Variants in COX16 observed in about 807,000 individuals in gnomAD.
COX16 encodes the protein cytochrome c oxidase assembly protein COX16 homolog, mitochondrial.
Under a neutral mutation model 15.4 loss-of-function variants are expected in COX16, and 12 were observed. The observed-to-expected ratio is 0.78, with a 90% CI of 0.50 to 1.26. COX16 has a LOEUF of 1.26. Ranked by LOEUF, COX16 falls within the 50% of genes most tolerant of loss-of-function variation. The probability of loss-of-function intolerance (pLI) is 0.00; values close to 1 mark genes in which losing one functional copy is unlikely to be tolerated. For missense variants in COX16, 124 were observed against 127.6 expected (o/e 0.97, Z 0.14); for synonymous variants, 46 against 41.1 (o/e 1.12, Z -0.46).
At chr14:70,342,302 G>A (rs7144424) in intron 2 of COX16, among the ~76,000 whole-genome samples, 71,595 of 151,896 alleles carry the variant, frequency 0.47, 17,568 homozygotes, top group South Asian at 0.57. Flanking sequence ...AAAATTAGCC[G>A]GGTGGTAGTG....
At chr14:70,340,818 C>A (rs1886602905) in intron 2 of COX16, among the ~76,000 whole-genome samples, 1 of 152,194 alleles carries the variant, frequency 6.6e-6, no homozygotes, top group Admixed American at 6.5e-5. Context: ...CCTACTCATT[C>A]TTAAAGCCTA....
chr14:70,330,796 T>C (rs998922744), intron 2 of COX16, among the ~76,000 whole-genome samples: 1 of 152,292 alleles, frequency 6.6e-6, no homozygotes, highest in South Asian at 2.1e-4. Flanking sequence ...TTGTCAATAT[T>C]TGATGATTGC....
chr14:70,354,063 A>C (rs1322881284), intron 1 of COX16, among the ~76,000 whole-genome samples: 1 of 152,026 alleles, frequency 6.6e-6, no homozygotes, highest in Non-Finnish European at 1.5e-5. Flanking sequence ...TGTAATCCCA[A>C]CTACGCCGGA....
Position 70,343,611 on chromosome 14 carries a change from G to A in COX16, c.70-882C>T, listed in dbSNP as rs527529349. On this transcript the variant is annotated intron_variant, in intron 1 of 3. Transcript: ENST00000389912. ...CTGTATATCACATTGTATTCCCAGG[G>A]ACAATATGGCTATACAGGTCACAGG... 2.7e-4 allele frequency among the ~76,000 whole-genome samples: 41 copies of A among 152,248 alleles called. No individual in the cohort carries two copies. In the South Asian group the frequency reaches 3.9e-3, roughly 15 times the overall value.
chr14:70,341,264 C>A (rs1275119645), intron 2 of COX16, among the ~76,000 whole-genome samples: 1 of 152,122 alleles, frequency 6.6e-6, no homozygotes, highest in African/African-American at 2.4e-5. Flanking sequence ...TCTAATCCTT[C>A]ATAGAAAGTA....
chr14:70,339,698 C>T (rs1018227953), intron 2 of COX16, among the ~76,000 whole-genome samples: 1 of 152,160 alleles, frequency 6.6e-6, no homozygotes, highest in Non-Finnish European at 1.5e-5. Context: ...AACCTCTTAA[C>T]TCCTCTCAAC....
intron 2 of COX16, among the ~76,000 whole-genome samples, chr14:70,330,759 CAG>C (rs1035610137): frequency 1.3e-4 from 20 of 152,114 alleles, no homozygotes; most frequent in African/African-American, 4.6e-4. Context: ...AAATTAGGCA[CAG>C]AAGAGCAGTC....
intron 3 of COX16, 32 bp from the exon 4 acceptor site, chr14:70,326,481 A>G: frequency 1.3e-6 from 2 of 1,530,164 alleles, no homozygotes; most frequent in South Asian, 1.3e-5. Flanking sequence ...AAGTATAAAT[A>G]TTAGTATAAG....
intron 1 of COX16, among the ~76,000 whole-genome samples, chr14:70,355,564 C>A (rs1423279136): frequency 6.6e-6 from 1 of 152,138 alleles, no homozygotes; most frequent in African/African-American, 2.4e-5. Flanking sequence ...AATCTGGAAC[C>A]TAAGTTCCAG....
chr14:70,359,487 C>T lies in COX16; in HGVS notation c.69+32G>A, dbSNP rs370540684. 16 of 1,585,728 alleles carry T rather than the reference C, an allele frequency of 1.0e-5. No homozygotes were observed. The South Asian group carries it at 1.1e-4, about 11-fold the overall frequency. ...ATCCTGCCAAGGAGGAGGGTCCCAC[C>T]CCTTGCGGAAGATCCTCCTCACTCC... On this transcript the variant is annotated intron_variant, in intron 1 of 3. Coordinates refer to ENST00000389912, the MANE Select transcript of COX16 (RefSeq NM_016468.7).
In COX16 at chr14:70,342,680, C is replaced by T. The variant is rs139410596; in HGVS notation, c.119G>A (p.Arg40Gln). 1.4e-4 allele frequency: 226 copies of T among 1,612,948 alleles called. 1 individual carries two copies. Among genetic ancestry groups the T allele is most frequent in the Non-Finnish European group, 1.8e-4 (212 of 1,179,728 alleles). The change falls in exon 2 of 4, where the codon CGA becomes CAA. Residue 40 changes from arginine to glutamine, a missense_variant. Coordinates refer to ENST00000389912, the MANE Select transcript of COX16 (RefSeq NM_016468.7). ...TACTTTACTCTTCACAGCATCATAT[C>T]GGATTTGAGAAAACTCACGAAGACC... ...SFGLREFSQI[R>Q]YDAVKSKMDP...
In COX16 at chr14:70,338,013, G is replaced by A. The variant is rs182056146; in HGVS notation, c.141+4645C>T. 1.8e-3 allele frequency among the ~76,000 whole-genome samples: 269 copies of A among 152,210 alleles called. 1 individual carries two copies. The highest frequency in any genetic ancestry group is 3.4e-3 in the Middle Eastern group (1 of 294). ...GATTGGTATCCCATAAAGAAAACTC[G>A]GCAAAAGCAACAACTGACAAGATAA... is the stretch of plus-strand genomic sequence containing the variant. On this transcript the variant is annotated intron_variant, in intron 2 of 3. Transcript: ENST00000389912.
chr14:70,339,450 C>A (rs1886558697), intron 2 of COX16, among the ~76,000 whole-genome samples: 1 of 152,138 alleles, frequency 6.6e-6, no homozygotes, highest in Non-Finnish European at 1.5e-5. Context: ...AGGACTGTCT[C>A]AAGCAAACAA....
intron 1 of COX16, among the ~76,000 whole-genome samples, chr14:70,353,094 C>T (rs1887010431): frequency 6.6e-6 from 1 of 151,892 alleles, no homozygotes; most frequent in African/African-American, 2.4e-5. Flanking sequence ...AACCCCATCT[C>T]TCCTAAAAAT....
intron 1 of COX16, among the ~76,000 whole-genome samples, chr14:70,346,089 CCTCCACTGCCTGTT>C (rs1886771374): frequency 6.6e-6 from 1 of 152,146 alleles, no homozygotes; most frequent in African/African-American, 2.4e-5. Context: ...CCCTGCCTAT[CCTCCACTGCCTGTT>C]AACCCTCCTT....
intron 3 of COX16, 134 bp from the exon 4 acceptor site, chr14:70,326,583 A>G (rs1266904719): frequency 1.9e-5 from 10 of 513,474 alleles, no homozygotes; most frequent in Admixed American, 4.3e-5. Flanking sequence ...TAGCAAATAA[A>G]TCAACTACAA....
chr14:70,343,079 G>A (rs1048949405), intron 1 of COX16, among the ~76,000 whole-genome samples: 2 of 152,134 alleles, frequency 1.3e-5, no homozygotes, highest in African/African-American at 4.8e-5. Flanking sequence ...TTCAACAAAT[G>A]AGGAAATAAA....
intron 1 of COX16, among the ~76,000 whole-genome samples, chr14:70,353,655 A>C (rs1303766223): frequency 6.6e-6 from 1 of 151,740 alleles, no homozygotes; most frequent in Non-Finnish European, 1.5e-5. Context: ...CTGGGACCAC[A>C]GGCGCCTGCC....
Position 70,359,638 on chromosome 14 carries a change from C to G in COX16, c.-51G>C. The G allele has an allele frequency of 6.5e-7, 1 of 1,540,762 alleles. No homozygotes were observed. The highest frequency in any genetic ancestry group is 9.0e-7 in the Non-Finnish European group (1 of 1,113,878). On this transcript the variant is annotated 5_prime_UTR_variant, in exon 1 of 4. Coordinates refer to ENST00000389912, the MANE Select transcript of COX16 (RefSeq NM_016468.7). ...ACTCCAAGCGGGCCTAGCGCAGACT[C>G]CCAAATCTCAGCAGCTCACGCTCTC...
Sources: gnomAD v4.1 joint callset for allele counts (sites outside exome capture counted in the v4.1 genomes callset) on GRCh38, gnomAD v4.1.1 for gene constraint, MANE v1.5 for transcripts, NCBI Gene and HGNC (gene_info 2026-07-23, HGNC 2026-07-21) for gene names.